The following CCNY variants were observed in gnomAD, a reference collection of about 807,000 sequenced individuals.
The protein encoded by CCNY is cyclin-Y.
In CCNY, 19 loss-of-function variants were observed where a neutral mutation model predicts 42.8. That is an observed-to-expected ratio of 0.44 (90% CI 0.31 to 0.65). CCNY has a LOEUF of 0.65. Ranked by LOEUF, CCNY falls within the 30% of genes least tolerant of loss-of-function variation. CCNY has a pLI of 0.07. For synonymous variants in CCNY, 165 were observed against 162.7 expected (o/e 1.01, Z -0.11); for missense variants, 370 against 437.3 (o/e 0.85, Z 1.37).
At chr10:35,519,685 C>T (rs1325017532) in intron 4 of CCNY, among the ~76,000 whole-genome samples, 3 of 151,688 alleles carry the variant, frequency 2.0e-5, no homozygotes, top group Admixed American at 6.6e-5. Context: ...TTCCCTGATC[C>T]GAAGACATGG....
chr10:35,406,840 C>T (rs530470954), intron 1 of CCNY, among the ~76,000 whole-genome samples: 16 of 151,854 alleles, frequency 1.1e-4, no homozygotes, highest in South Asian at 2.1e-4. Flanking sequence ...CCGGATGGGG[C>T]GGCTGGCCGG....
chr10:35,465,272 C>T (rs1052483555), intron 1 of CCNY, among the ~76,000 whole-genome samples: 1 of 151,986 alleles, frequency 6.6e-6, no homozygotes, highest in African/African-American at 2.4e-5. Context: ...GACCGATGGC[C>T]CCTCCCCGCC....
At chr10:35,319,219 T>C (rs1339397350) in intron 3 of CCNY, among the ~76,000 whole-genome samples, 1 of 152,120 alleles carries the variant, frequency 6.6e-6, no homozygotes, top group East Asian at 1.9e-4. Context: ...CTAATACATA[T>C]AGGAATTAAA....
At chr10:35,568,871 G>C (rs1374693284) in intron 9 of CCNY, among the ~76,000 whole-genome samples, 183 bp from the exon 10 acceptor site, 1 of 152,226 alleles carries the variant, frequency 6.6e-6, no homozygotes, top group Admixed American at 6.5e-5. Flanking sequence ...TGGGAAACAA[G>C]AGCTGAGTCC....
intron 3 of CCNY, among the ~76,000 whole-genome samples, chr10:35,264,555 T>G (rs1400094432): frequency 1.3e-5 from 2 of 152,236 alleles, no homozygotes; most frequent in Non-Finnish European, 2.9e-5. Flanking sequence ...TTTGCATTTC[T>G]CTAATGATCA....
chr10:35,456,083 T>C (rs114250997), intron 1 of CCNY, among the ~76,000 whole-genome samples: 3 of 152,178 alleles, frequency 2.0e-5, no homozygotes, highest in Non-Finnish European at 2.9e-5. Context: ...TTTTTCCCCA[T>C]GTCTTAATGG....
At chr10:35,292,781 G>GTTTTTTTTT (rs71033391) in intron 3 of CCNY, among the ~76,000 whole-genome samples, 19 of 108,748 alleles carry the variant, frequency 1.7e-4, no homozygotes, top group South Asian at 3.2e-4. Context: ...CTTTGTTTTT[G>GTTTTTTTTT]TTTTTTTTTT....
intron 7 of CCNY, 21 bp from the exon 8 acceptor site, chr10:35,552,998 G>C (rs1186862116): frequency 1.9e-6 from 3 of 1,609,130 alleles, no homozygotes; most frequent in Non-Finnish European, 2.6e-6. Flanking sequence ...ACTTAGCTCT[G>C]GCATTGTCTT....
At chr10:35,253,373 C>T (rs2095713259) in intron 3 of CCNY, among the ~76,000 whole-genome samples, 2 of 151,158 alleles carry the variant, frequency 1.3e-5, no homozygotes, top group African/African-American at 4.9e-5. Context: ...CCCTAGCCTC[C>T]TGTGTAGCTG....
chr10:35,371,609 A>C (rs776766670), intron 1 of CCNY, among the ~76,000 whole-genome samples: 2 of 151,924 alleles, frequency 1.3e-5, no homozygotes, highest in Admixed American at 1.3e-4. Context: ...CATCCTCCCT[A>C]CAGTTTTAAC....
chr10:35,398,070 A>G (rs1837563216), intron 1 of CCNY, among the ~76,000 whole-genome samples: 2 of 152,114 alleles, frequency 1.3e-5, no homozygotes, highest in Admixed American at 1.3e-4. Context: ...TGGAGGCAGC[A>G]GGGAGGGTAG....
chr10:35,301,316 T>C (rs183715728), intron 3 of CCNY, among the ~76,000 whole-genome samples: 208 of 152,280 alleles, frequency 1.4e-3, no homozygotes, highest in African/African-American at 4.6e-3. Flanking sequence ...GTTTTGAATA[T>C]GGGTTGAAAT....
At chr10:35,477,900 G>A (rs1839554900) in intron 1 of CCNY, among the ~76,000 whole-genome samples, 3 of 147,834 alleles carry the variant, frequency 2.0e-5, no homozygotes, top group Admixed American at 6.7e-5. Flanking sequence ...CATTGTCTCA[G>A]CCCAAAATCT....
At chr10:35,400,156 A>G (rs1016122134) in intron 1 of CCNY, among the ~76,000 whole-genome samples, 5 of 152,042 alleles carry the variant, frequency 3.3e-5, no homozygotes. Flanking sequence ...AGCACCATCT[A>G]TTTGATGTAG....
intron 3 of CCNY, among the ~76,000 whole-genome samples, chr10:35,324,791 A>G (rs1835860612): frequency 6.6e-6 from 1 of 152,248 alleles, no homozygotes; most frequent in African/African-American, 2.4e-5. Flanking sequence ...CTGAAGAATA[A>G]AAGAAACATT....
Position 35,469,668 on chromosome 10 carries a change from G to A in CCNY, c.155-13736G>A, listed in dbSNP as rs183335190. The stretch of plus-strand genomic sequence containing the variant: ...CAGACAGGGCAATGGAGAGTCAGAC[G>A]GGAGATGGAGAGACAGGGAGAAGAC... On this transcript the variant is annotated intron_variant, in intron 1 of 9. Coordinates refer to ENST00000374704, the MANE Select transcript of CCNY (RefSeq NM_145012.6). Among the ~76,000 whole-genome samples, 9 of 150,340 alleles carry A rather than the reference G, an allele frequency of 6.0e-5. No homozygotes were observed. The East Asian group carries it at 1.4e-3, about 23-fold the overall frequency.
At chr10:35,358,012 G>A (rs576015271) in intron 1 of CCNY, among the ~76,000 whole-genome samples, 2 of 151,950 alleles carry the variant, frequency 1.3e-5, no homozygotes, top group Non-Finnish European at 2.9e-5. Flanking sequence ...CTTTTGCTAT[G>A]TCCTTATCAT....
At chr10:35,340,279 A>G (rs1004456089) in intron 1 of CCNY, among the ~76,000 whole-genome samples, 2 of 152,140 alleles carry the variant, frequency 1.3e-5, no homozygotes, top group African/African-American at 4.8e-5. Context: ...GTGTCTTGTC[A>G]TTGCAGTCAT....
chr10:35,501,637 A>G (rs1840112525), intron 3 of CCNY, 102 bp downstream of exon 3: 1 of 1,009,676 alleles, frequency 9.9e-7, no homozygotes, highest in Non-Finnish European at 1.6e-6. Flanking sequence ...TGCTTTGTAG[A>G]TACTTGGAAG....
Sources: allele counts gnomAD v4.1 joint callset (sites outside exome capture counted in the v4.1 genomes callset), GRCh38; gene constraint gnomAD v4.1.1; transcripts MANE v1.5; gene names NCBI Gene and HGNC (gene_info 2026-07-23, HGNC 2026-07-21).